UST: variants seen among roughly 807,000 people sequenced by gnomAD.
The protein encoded by UST is uronyl 2-sulfotransferase.
Under a neutral mutation model 45.6 loss-of-function variants are expected in UST, and 21 were observed. The ratio of observed to expected loss-of-function variants is 0.46; its 90% CI spans 0.33 to 0.66. UST has a LOEUF of 0.66. Among genes scored for constraint, UST ranks in the 30% least tolerant of loss-of-function variants. The pLI is 0.02. For synonymous variants in UST, 215 were observed against 200.6 expected (o/e 1.07, Z -0.61); for missense variants, 463 against 512.4 (o/e 0.90, Z 0.93).
At chr6:148,905,474 G>T (rs1393436969) in intron 2 of UST, among the ~76,000 whole-genome samples, 1 of 152,200 alleles carries the variant, frequency 6.6e-6, no homozygotes, top group African/African-American at 2.4e-5. Context: ...CTAGGGTAGA[G>T]CAAAACCAGC....
intron 1 of UST, among the ~76,000 whole-genome samples, chr6:148,829,136 C>A (rs1479195466): frequency 7.1e-6 from 1 of 140,062 alleles, no homozygotes; most frequent in Admixed American, 7.4e-5. Flanking sequence ...TCAAGTTAAG[C>A]CCTGGGATGG....
chr6:149,067,452 G>T (rs1344796461), intron 7 of UST, among the ~76,000 whole-genome samples: 4 of 152,102 alleles, frequency 2.6e-5, no homozygotes, highest in South Asian at 2.1e-4. Context: ...ATTCAAGAAA[G>T]GATCTTTTAA....
chr6:148,793,385 A>G (rs769459997), intron 1 of UST, among the ~76,000 whole-genome samples: 1 of 152,208 alleles, frequency 6.6e-6, no homozygotes, highest in Non-Finnish European at 1.5e-5. Context: ...GAGTTCACCT[A>G]TATAACCCAA....
In UST at chr6:149,070,799, C is replaced by T. The variant is rs1287625477; in HGVS notation, c.938-3034C>T. Among the ~76,000 whole-genome samples, 6 of 152,116 alleles carry T rather than the reference C, an allele frequency of 3.9e-5. No homozygotes were observed. In the East Asian group the frequency reaches 7.7e-4, roughly 20 times the overall value. ...TTATTATTAATTTTAGACAGAGTCT[C>T]GCTCTGTCGCCAGGCTGGAGTGCAG... On this transcript the variant is annotated intron_variant, in intron 7 of 7. Coordinates refer to ENST00000367463, the MANE Select transcript of UST (RefSeq NM_005715.3).
intron 4 of UST, among the ~76,000 whole-genome samples, chr6:148,957,951 G>A (rs1043412294): frequency 2.6e-5 from 4 of 152,140 alleles, no homozygotes; most frequent in South Asian, 4.1e-4. Context: ...CATGCCGCAC[G>A]GTACTTGCTG....
chr6:148,941,329 G>A lies in UST; in HGVS notation c.342G>A (p.Gly114=), dbSNP rs200460431. 153 of 1,612,960 alleles carry A rather than the reference G, an allele frequency of 9.5e-5. 1 individual carries two copies. The Middle Eastern group carries it at 1.6e-3, about 17-fold the overall frequency. The change falls in exon 3 of 8, where the codon GGG becomes GGA. Residue 114 remains glycine (G), a synonymous_variant. Transcript: ENST00000367463. ...QVVYNRVGKC[G]SRTVVLLLRI... is the part of the protein sequence containing the mutation. ...TGTACAACAGGGTAGGCAAGTGTGGGAGCCGTACTGTGGTCTTGCTTCTGA... is the reference window on the plus strand; with the variant it reads ...TGTACAACAGGGTAGGCAAGTGTGGAAGCCGTACTGTGGTCTTGCTTCTGA...
intron 2 of UST, among the ~76,000 whole-genome samples, chr6:148,911,507 T>C (rs1328148204): frequency 6.6e-6 from 1 of 152,220 alleles, no homozygotes; most frequent in African/African-American, 2.4e-5. Context: ...AACTAGCTCT[T>C]ACCTTATTCT....
At chr6:148,806,718 T>C (rs577002278) in intron 1 of UST, among the ~76,000 whole-genome samples, 1 of 152,314 alleles carries the variant, frequency 6.6e-6, no homozygotes, top group East Asian at 1.9e-4. Flanking sequence ...GTCTGGAGGC[T>C]GGGAAGTCCG....
In UST at chr6:149,074,049, C is replaced by A. The variant is rs1776856131; in HGVS notation, c.1154C>A (p.Thr385Asn). 6.2e-7 allele frequency: 1 copy of A among 1,614,090 alleles called. No homozygotes were observed. Among genetic ancestry groups the A allele is most frequent in the African/African-American group, 1.3e-5 (1 of 74,920 alleles). Residue 385 changes from threonine to asparagine, a missense_variant, in exon 8 of 8, where the codon ACC becomes AAC. This residue lies in a region of UST where 287 missense variants were observed against 374.2 expected (regional missense o/e 0.77). Coordinates refer to ENST00000367463, the MANE Select transcript of UST (RefSeq NM_005715.3). ...TTCTTTATCCCAACTCCACTGGAAA[C>A]CGAGGAGCCAATCGACGATGAAGAA... ...PHFFIPTPLE[T>N]EEPIDDEEQD...
At chr6:149,006,468 T>A (rs1201148066) in intron 5 of UST, among the ~76,000 whole-genome samples, 4 of 152,252 alleles carry the variant, frequency 2.6e-5, no homozygotes, top group African/African-American at 7.2e-5. Context: ...GGTATATATG[T>A]ACCATATTTT....
chr6:148,815,055 C>A (rs1013036254), intron 1 of UST, among the ~76,000 whole-genome samples: 4 of 152,050 alleles, frequency 2.6e-5, no homozygotes, highest in African/African-American at 9.7e-5. Context: ...ATTAAAAAAA[C>A]CGTGGTATAT....
chr6:148,770,111 A>G (rs1285936678), intron 1 of UST, among the ~76,000 whole-genome samples: 1 of 151,946 alleles, frequency 6.6e-6, no homozygotes, highest in African/African-American at 2.4e-5. Flanking sequence ...GAGTGTGCTA[A>G]TGACATAAAG....
intron 1 of UST, among the ~76,000 whole-genome samples, chr6:148,867,779 A>T (rs75703940): frequency 1.3e-5 from 2 of 152,150 alleles, no homozygotes; most frequent in African/African-American, 4.8e-5. Context: ...ATCCAGTCTC[A>T]GGTATGTCTT....
chr6:148,894,891 C>A (rs1005465603), intron 2 of UST, among the ~76,000 whole-genome samples: 3 of 137,356 alleles, frequency 2.2e-5, no homozygotes, highest in Non-Finnish European at 4.5e-5. Flanking sequence ...GATCTTGGCT[C>A]ACTGCAACCT....
chr6:148,867,325 CACAT>C (rs761140065), intron 1 of UST, among the ~76,000 whole-genome samples: 1,018 of 92,762 alleles, frequency 0.011, 8 homozygotes, highest in South Asian at 0.041. Flanking sequence ...CACACACACA[CACAT>C]ATATATGTAC....
At position 148,790,650 on chromosome 6, in the gene UST, C is replaced by T. The variant is rs950555368; in HGVS notation, c.247+42973C>T. ...ACCGATGTGTCATGGCTGGGTCCCTCCTTCAGCCTGGAAGGAGTGCTGTGC... is the reference window on the plus strand; with the variant it reads ...ACCGATGTGTCATGGCTGGGTCCCTTCTTCAGCCTGGAAGGAGTGCTGTGC... On this transcript the variant is annotated intron_variant, in intron 1 of 7. Transcript: ENST00000367463. This position sits in a 1 kb window ranked among gnomAD's most constrained non-coding sequence, Gnocchi z 4.2. Among the ~76,000 whole-genome samples the T allele has an allele frequency of 3.3e-5, 5 of 152,172 alleles. No individual in the cohort carries two copies. Among genetic ancestry groups the T allele is most frequent in the South Asian group, 4.1e-4 (2 of 4,826 alleles).
At chr6:149,025,811 G>A (rs1335249560) in intron 7 of UST, among the ~76,000 whole-genome samples, 1 of 151,900 alleles carries the variant, frequency 6.6e-6, no homozygotes, top group Non-Finnish European at 1.5e-5. Context: ...AGGAGTTTGA[G>A]ACTAGCCTGA....
intron 1 of UST, among the ~76,000 whole-genome samples, chr6:148,760,752 A>T (rs1395216242): frequency 6.6e-6 from 1 of 152,102 alleles, no homozygotes; most frequent in East Asian, 1.9e-4. Flanking sequence ...AAAACCACAA[A>T]CATCTCCCCA....
rs1347827265 is a variant in UST, at chr6:148,800,531, GC to G, written c.247+52855del. Among the ~76,000 whole-genome samples, 22 of 151,636 alleles carry G rather than the reference GC, an allele frequency of 1.5e-4. No homozygotes were observed. The East Asian group carries it at 4.3e-3, about 29-fold the overall frequency. ...CTTGTCTTATGGTATGAGAGTTTGG[GC>G]TATCATCTGTGACCTGCGTTACTGG... On this transcript the variant is annotated intron_variant, in intron 1 of 7. Coordinates refer to ENST00000367463, the MANE Select transcript of UST (RefSeq NM_005715.3).
Sources: gnomAD v4.1 joint callset for allele counts (sites outside exome capture counted in the v4.1 genomes callset) on GRCh38, gnomAD v4.1.1 for gene constraint, gnomAD v4.1.1 regional missense constraint, Gnocchi (gnomAD v3.1) non-coding constraint, MANE v1.5 for transcripts, NCBI Gene and HGNC (gene_info 2026-07-23, HGNC 2026-07-21) for gene names.